The following PLS1 variants were observed in gnomAD, a reference collection of about 807,000 sequenced individuals.
PLS1 encodes plastin 1, also known as plastin-1.
In PLS1, 32 loss-of-function variants were observed where a neutral mutation model predicts 73.7. The ratio of observed to expected loss-of-function variants is 0.43; its 90% confidence interval spans 0.33 to 0.58. PLS1 has a LOEUF of 0.58. PLS1 is among the 20% of genes least tolerant of loss of function. The pLI is 0.04. For synonymous variants in PLS1, 217 were observed against 261.3 expected (o/e 0.83, Z 1.63); for missense variants, 633 against 740.5 (o/e 0.85, Z 1.68).
intron 6 of PLS1, among the ~76,000 whole-genome samples, chr3:142,680,600 A>T (rs2107877347): frequency 6.6e-6 from 1 of 152,254 alleles, no homozygotes; most frequent in African/African-American, 2.4e-5. Flanking sequence ...TTTGTACTAA[A>T]TTGTTCTGTA....
At chr3:142,640,989 AAAAACAAAAAC>A (rs1317481854) in intron 1 of PLS1, among the ~76,000 whole-genome samples, 1 of 151,810 alleles carries the variant, frequency 6.6e-6, no homozygotes, top group Non-Finnish European at 1.5e-5. Context: ...GGTCTCTACA[AAAAACAAAAAC>A]AAAACAAAAC....
At position 142,704,561 on chromosome 3, in the gene PLS1, A is replaced by G. The variant is rs2038410902; in HGVS notation, c.1604A>G (p.Lys535Arg). 1 of 1,600,806 alleles carries G rather than the reference A, an allele frequency of 6.2e-7. No homozygotes were observed. The highest frequency in any genetic ancestry group is 8.5e-7 in the Non-Finnish European group (1 of 1,172,944). Residue 535 changes from lysine to arginine, a missense_variant, in exon 14 of 16, where the codon AAA (lysine) becomes AGA (arginine). Lys to Arg is a conservative substitution (Grantham distance 26). Transcript: ENST00000457734. The part of the protein sequence containing the change: ...WVNQTLKSAN[K>R]KTSISSFKDK... ...AATCAGACTCTTAAAAGTGCAAACAAAAAGACTTCTATTTCCAGCTTCAAG... is the reference window on the plus strand; with the variant it reads ...AATCAGACTCTTAAAAGTGCAAACAGAAAGACTTCTATTTCCAGCTTCAAG...
intron 4 of PLS1, among the ~76,000 whole-genome samples, 174 bp from the exon 5 acceptor site, chr3:142,675,983 C>A (rs2037716565): frequency 6.6e-6 from 1 of 152,182 alleles, no homozygotes; most frequent in South Asian, 2.1e-4. Context: ...ACCCAGCCAC[C>A]TTTCTTCTTT....
At chr3:142,647,294 G>A (rs1466844938) in intron 1 of PLS1, among the ~76,000 whole-genome samples, 1 of 152,046 alleles carries the variant, frequency 6.6e-6, no homozygotes, top group Admixed American at 6.6e-5. Context: ...ATCACCTTAG[G>A]AGTTTCTTTA....
chr3:142,610,883 C>G (rs113501917), intron 1 of PLS1, among the ~76,000 whole-genome samples: 7 of 152,234 alleles, frequency 4.6e-5, no homozygotes, highest in African/African-American at 1.7e-4. Flanking sequence ...GGCCCAGGCA[C>G]TGAGCTAGGC....
At chr3:142,683,876 T>C (rs1460770957) in intron 6 of PLS1, 130 bp from the exon 7 acceptor site, 1 of 616,336 alleles carries the variant, frequency 1.6e-6, no homozygotes. Flanking sequence ...TGAGTAGTGG[T>C]ATTTTCGTTG....
intron 14 of PLS1, 84 bp from the exon 15 acceptor site, chr3:142,711,417 C>G: frequency 1.0e-6 from 1 of 989,592 alleles, no homozygotes; most frequent in Non-Finnish European, 1.5e-6. Context: ...AGATTGCCTT[C>G]AGTTATATGA....
chr3:142,610,485 A>G lies in PLS1; in HGVS notation c.-37+13976A>G, dbSNP rs79622760. 1.1e-4 allele frequency among the ~76,000 whole-genome samples: 16 copies of G among 152,348 alleles called. No individual in the cohort carries two copies. In the East Asian group the frequency reaches 3.1e-3, roughly 29 times the overall value. On this transcript the variant is annotated intron_variant, in intron 1 of 15. Coordinates refer to ENST00000457734, the MANE Select transcript of PLS1 (RefSeq NM_001145319.2). ...CTTTGTAAACCTTTTAAGCAGCCAT[A>G]TCTAAAAATAAGCTTAAGGTGAACT...
intron 1 of PLS1, among the ~76,000 whole-genome samples, chr3:142,609,173 G>A (rs1018281276): frequency 6.6e-6 from 1 of 152,144 alleles, no homozygotes; most frequent in African/African-American, 2.4e-5. Flanking sequence ...TTAATACAAA[G>A]TTTCTTTCTA....
intron 9 of PLS1, among the ~76,000 whole-genome samples, 158 bp from the exon 10 acceptor site, chr3:142,689,460 G>T (rs1184426163): frequency 8.0e-6 from 1 of 125,196 alleles, no homozygotes; most frequent in Non-Finnish European, 1.8e-5. Flanking sequence ...ATAAATAAAG[G>T]AATGGGTAAG....
At chr3:142,685,249 A>G (rs958713119) in intron 8 of PLS1, among the ~76,000 whole-genome samples, 2 of 152,196 alleles carry the variant, frequency 1.3e-5, no homozygotes, top group South Asian at 2.1e-4. Context: ...CTAATCAAAC[A>G]TTTATTCAGC....
intron 1 of PLS1, among the ~76,000 whole-genome samples, chr3:142,648,870 G>C (rs2037017520): frequency 6.6e-6 from 1 of 152,146 alleles, no homozygotes; most frequent in African/African-American, 2.4e-5. Flanking sequence ...ACTGAGACCT[G>C]GGTCAGGCAC....
intron 1 of PLS1, among the ~76,000 whole-genome samples, chr3:142,650,527 C>G (rs900008215): frequency 6.6e-6 from 1 of 152,050 alleles, no homozygotes; most frequent in East Asian, 1.9e-4. Context: ...TTTACAAAAG[C>G]CTTGTTACGT....
chr3:142,696,046 G>A (rs9853974), intron 11 of PLS1, among the ~76,000 whole-genome samples: 24,687 of 152,054 alleles, frequency 0.16, 2,054 homozygotes, highest in East Asian at 0.19. Flanking sequence ...TGCCTGCCTC[G>A]GCCTCCCAAA....
At chr3:142,600,877 C>CTCATATATATATAT (rs1491308964) in intron 1 of PLS1, among the ~76,000 whole-genome samples, 1 of 23,532 alleles carries the variant, frequency 4.2e-5, no homozygotes, top group Non-Finnish European at 7.4e-5. Context: ...GGCCTGGTTT[C>CTCATATATATATAT]ATATATATAT....
chr3:142,713,492 CTTAAGA>C lies in PLS1; in HGVS notation c.*1493_*1498del, dbSNP rs1305824285. On this transcript the variant is annotated 3_prime_UTR_variant, in exon 16 of 16. Transcript: ENST00000457734. ...CCTTTTATATTTTGATGATTGTTTT[CTTAAGA>C]TTAAGATATGTTCTTGCTCTTTTAT... 6.6e-6 allele frequency: 1 copy of C among 152,248 alleles called. No individual in the cohort carries two copies. Among genetic ancestry groups the C allele is most frequent in the African/African-American group, 2.4e-5 (1 of 41,330 alleles). The allele number at this position is 152,248 out of a possible 1,614,324, so 9.4% of individuals were successfully genotyped here.
intron 1 of PLS1, among the ~76,000 whole-genome samples, chr3:142,626,440 A>C (rs2036430373): frequency 6.6e-6 from 1 of 152,226 alleles, no homozygotes; most frequent in African/African-American, 2.4e-5. Context: ...AGTGGGGTTT[A>C]AGATGAGAAG....
At chr3:142,629,873 A>T (rs904262482) in intron 1 of PLS1, among the ~76,000 whole-genome samples, 4 of 152,142 alleles carry the variant, frequency 2.6e-5, no homozygotes, top group Non-Finnish European at 4.4e-5. Context: ...TGGCCTCAAC[A>T]CACTAGATGC....
At chr3:142,648,379 T>G (rs1170876088) in intron 1 of PLS1, among the ~76,000 whole-genome samples, 1 of 152,118 alleles carries the variant, frequency 6.6e-6, no homozygotes, top group Admixed American at 6.5e-5. Context: ...AGGTAAAGGT[T>G]TAACTAAAAT....
Sources: gnomAD v4.1 joint callset for allele counts (sites outside exome capture counted in the v4.1 genomes callset) on GRCh38, gnomAD v4.1.1 for gene constraint, MANE v1.5 for transcripts, NCBI Gene and HGNC (gene_info 2026-07-23, HGNC 2026-07-21) for gene names.